KSR2: variants seen among roughly 807,000 people sequenced by gnomAD.
KSR2 encodes kinase suppressor of ras 2.
A neutral mutation model predicts 107.8 loss-of-function variants in KSR2; 25 were observed. The observed-to-expected ratio is 0.23, with a 90% CI of 0.17 to 0.32. KSR2 has a LOEUF of 0.32. Among genes scored for constraint, KSR2 ranks in the 10% least tolerant of loss-of-function variants. The pLI is 1.00. For missense variants in KSR2, 887 were observed against 1,268.9 expected, an observed-to-expected ratio of 0.70 and a Z score of 4.57; for synonymous variants, 480 against 507.0, an observed-to-expected ratio of 0.95 and a Z score of 0.71.
chr12:117,455,101 C>A lies in KSR2; in HGVS notation c.*12098G>T, dbSNP rs1399971364. 1 of 142,076 alleles carries A rather than the reference C, an allele frequency of 7.0e-6. No homozygotes were observed. Among genetic ancestry groups the A allele is most frequent in the African/African-American group, 2.8e-5 (1 of 35,438 alleles). 8.8% of individuals were successfully genotyped at this position (142,076 alleles called of 1,614,324 possible). A position where few individuals can be genotyped will look rare whatever the true frequency, so the allele number is the denominator to read the frequency against. On this transcript the variant is annotated 3_prime_UTR_variant, in exon 20 of 20. Coordinates refer to ENST00000339824, the MANE Select transcript of KSR2 (RefSeq NM_173598.6). ...TGTAGAGCCAGAGAGGGATGCAGAG[C>A]AGGCCTGAGGTGGCCTGAGTACTGG...
At chr12:117,674,499 G>A in intron 4 of KSR2, 1 of 441,312 alleles carries the variant, frequency 2.3e-6, no homozygotes, top group Non-Finnish European at 4.6e-6. Flanking sequence ...TTACGCATTA[G>A]TCACTCCCAT....
At chr12:117,610,738 CAA>C (rs35825253) in intron 5 of KSR2, among the ~76,000 whole-genome samples, 3 of 110,860 alleles carry the variant, frequency 2.7e-5, no homozygotes, top group Non-Finnish European at 3.5e-5. Flanking sequence ...GACCCTGTCT[CAA>C]AAAAAAAAAA....
chr12:117,514,456 C>G (rs1874234306), intron 14 of KSR2, among the ~76,000 whole-genome samples: 1 of 152,120 alleles, frequency 6.6e-6, no homozygotes, highest in Non-Finnish European at 1.5e-5. Flanking sequence ...GGTGGCTCCC[C>G]TGACTGCCTT....
At chr12:117,632,813 G>A (rs1159061445) in intron 5 of KSR2, among the ~76,000 whole-genome samples, 3 of 152,014 alleles carry the variant, frequency 2.0e-5, no homozygotes, top group Non-Finnish European at 2.9e-5. Context: ...TCCTGCATTC[G>A]TTCACTTAGG....
intron 12 of KSR2, among the ~76,000 whole-genome samples, chr12:117,530,528 A>G (rs982019770): frequency 6.6e-5 from 10 of 152,226 alleles, no homozygotes; most frequent in Middle Eastern, 3.2e-3. Context: ...ATAAACCTCA[A>G]TGAGACTTTT....
At chr12:117,761,639 G>C in intron 3 of KSR2, 115 bp from the exon 4 acceptor site, 1 of 976,600 alleles carries the variant, frequency 1.0e-6, no homozygotes, top group South Asian at 1.3e-5. Context: ...ATTACATCAT[G>C]TGCATGTTAC....
rs1291360866 is a variant in KSR2 at position 117,582,366 on chromosome 12, A to G, written c.1172-7T>C. Reference sequence around the variant, plus strand: ...CGTGGCACTGACAGTGTGTCTACAGAGAGAAGAGAACAGCCTGTTACACAG... The same window carrying G: ...CGTGGCACTGACAGTGTGTCTACAGGGAGAAGAGAACAGCCTGTTACACAG... On this transcript the variant is annotated splice_polypyrimidine_tract_variant and splice_region_variant and intron_variant, in intron 5 of 19. Coordinates refer to ENST00000339824, the MANE Select transcript of KSR2 (RefSeq NM_173598.6). 1 of 1,612,126 alleles carries G rather than the reference A, an allele frequency of 6.2e-7. No homozygotes were observed. The highest frequency in any genetic ancestry group is 1.7e-5 in the Admixed American group (1 of 60,020).
intron 1 of KSR2, among the ~76,000 whole-genome samples, chr12:117,873,170 C>T (rs571600587): frequency 6.6e-6 from 1 of 152,084 alleles, no homozygotes; most frequent in African/African-American, 2.4e-5. Context: ...CATGGTGAAA[C>T]CCCATCTCTA....
At chr12:117,627,250 T>G (rs939927120) in intron 5 of KSR2, among the ~76,000 whole-genome samples, 5 of 152,230 alleles carry the variant, frequency 3.3e-5, no homozygotes, top group African/African-American at 1.2e-4. Context: ...ATTATGATGT[T>G]CACTGGTTAT....
intron 1 of KSR2, among the ~76,000 whole-genome samples, chr12:117,883,140 C>T (rs1036886107): frequency 1.3e-5 from 2 of 152,200 alleles, no homozygotes; most frequent in Non-Finnish European, 2.9e-5. Flanking sequence ...AAGTATTTCA[C>T]TCCTGGTACC....
chr12:117,847,054 A>G (rs1283258292), intron 3 of KSR2, among the ~76,000 whole-genome samples: 1 of 152,200 alleles, frequency 6.6e-6, no homozygotes, highest in African/African-American at 2.4e-5. Flanking sequence ...ATCTACATGT[A>G]AGGGATTCCT....
intron 7 of KSR2, among the ~76,000 whole-genome samples, chr12:117,573,317 A>C (rs1425650304): frequency 4.6e-5 from 7 of 152,178 alleles, no homozygotes; most frequent in Non-Finnish European, 1.0e-4. Flanking sequence ...GACTGGGTAC[A>C]AGGATGAACA....
intron 5 of KSR2, among the ~76,000 whole-genome samples, chr12:117,635,306 G>T (rs547689740): frequency 6.6e-6 from 1 of 152,212 alleles, no homozygotes; most frequent in African/African-American, 2.4e-5. Context: ...CAAAGGGAGG[G>T]TAGGTGATTA....
chr12:117,841,646 G>A (rs547273302), intron 3 of KSR2, among the ~76,000 whole-genome samples: 1 of 152,318 alleles, frequency 6.6e-6, no homozygotes, highest in South Asian at 2.1e-4. Flanking sequence ...TGGAAACACA[G>A]GGACCACTCA....
At chr12:117,624,349 T>C (rs1882354337) in intron 5 of KSR2, among the ~76,000 whole-genome samples, 1 of 152,252 alleles carries the variant, frequency 6.6e-6, no homozygotes, top group Non-Finnish European at 1.5e-5. Context: ...AGGGTTTTTA[T>C]GGTTTTAGGT....
chr12:117,802,614 G>A (rs1890871983), intron 3 of KSR2, among the ~76,000 whole-genome samples: 1 of 152,192 alleles, frequency 6.6e-6, no homozygotes, highest in African/African-American at 2.4e-5. Flanking sequence ...GTCTGAGGAT[G>A]ACACCAGGAA....
At chr12:117,500,878 A>G (rs975466610) in intron 14 of KSR2, among the ~76,000 whole-genome samples, 4 of 152,242 alleles carry the variant, frequency 2.6e-5, no homozygotes, top group Non-Finnish European at 5.9e-5. Context: ...CTTTTCTGAG[A>G]AGGCCTCGAG....
chr12:117,645,890 T>C (rs1039292633), intron 5 of KSR2, among the ~76,000 whole-genome samples: 15 of 150,970 alleles, frequency 9.9e-5, no homozygotes, highest in African/African-American at 3.2e-4. Flanking sequence ...TGTGTGTGTG[T>C]GTGTGTGTGT....
At chr12:117,500,931 G>T (rs1873340027) in intron 14 of KSR2, among the ~76,000 whole-genome samples, 1 of 152,254 alleles carries the variant, frequency 6.6e-6, no homozygotes, top group African/African-American at 2.4e-5. Context: ...CCACTATTCA[G>T]ACTGCTGTAG....
Sources: allele counts gnomAD v4.1 joint callset (sites outside exome capture counted in the v4.1 genomes callset), GRCh38; gene constraint gnomAD v4.1.1; transcripts MANE v1.5; gene names NCBI Gene and HGNC (gene_info 2026-07-23, HGNC 2026-07-21).